The following BCL2 variants were observed in gnomAD, a reference collection of about 807,000 sequenced individuals.
BCL2 encodes BCL2 apoptosis regulator, also known as apoptosis regulator Bcl-2.
BCL2 carries 1 observed loss-of-function variant against 14.2 expected under a neutral mutation model. The ratio of observed to expected loss-of-function variants is 0.07; its 90% CI spans 0.02 to 0.33. The LOEUF (loss-of-function observed/expected upper bound fraction) is 0.33, where lower values mean the gene tolerates loss of function less well. Among genes scored for constraint, BCL2 ranks in the 10% least tolerant of loss-of-function variants. The pLI is 0.99. For synonymous variants in BCL2, 151 were observed against 137.2 expected (o/e 1.10, Z -0.70); for missense variants, 247 against 305.9 (o/e 0.81, Z 1.44).
At chr18:63,292,659 T>C (rs1270359066) in intron 2 of BCL2, among the ~76,000 whole-genome samples, 1 of 152,180 alleles carries the variant, frequency 6.6e-6, no homozygotes, top group Non-Finnish European at 1.5e-5. Flanking sequence ...TCTTCACCAA[T>C]GTCTTGAATG....
chr18:63,262,146 G>A (rs1911679521), intron 2 of BCL2, among the ~76,000 whole-genome samples: 1 of 151,714 alleles, frequency 6.6e-6, no homozygotes, highest in African/African-American at 2.4e-5. Context: ...TGAACTCCTG[G>A]CTTCAAGTGA....
At chr18:63,190,672 GA>G (rs1909266902) in intron 2 of BCL2, among the ~76,000 whole-genome samples, 1 of 152,220 alleles carries the variant, frequency 6.6e-6, no homozygotes, top group Non-Finnish European at 1.5e-5. Context: ...CCCAGTAAGT[GA>G]AAGTCTTATT....
chr18:63,249,096 G>GA (rs1911231661), intron 2 of BCL2, among the ~76,000 whole-genome samples: 1 of 152,204 alleles, frequency 6.6e-6, no homozygotes, highest in African/African-American at 2.4e-5. Flanking sequence ...CTGCAGGAAA[G>GA]AAACCTGGTG....
intron 2 of BCL2, among the ~76,000 whole-genome samples, chr18:63,165,476 T>C (rs1915020942): frequency 6.6e-6 from 1 of 152,182 alleles, no homozygotes; most frequent in Non-Finnish European, 1.5e-5. Flanking sequence ...TCTGTGTTTA[T>C]CCCTCCAACC....
intron 2 of BCL2, among the ~76,000 whole-genome samples, chr18:63,265,258 G>T (rs573014536): frequency 1.3e-5 from 2 of 152,314 alleles, no homozygotes; most frequent in Middle Eastern, 3.4e-3. Flanking sequence ...AAGGGCCCTT[G>T]TTCTTGTGCA....
intron 2 of BCL2, among the ~76,000 whole-genome samples, chr18:63,162,505 G>A (rs184946654): frequency 4.9e-4 from 74 of 152,178 alleles, no homozygotes; most frequent in Non-Finnish European, 1.3e-4. Flanking sequence ...GCCCAGCTCG[G>A]GGACACTACT....
intron 2 of BCL2, among the ~76,000 whole-genome samples, chr18:63,191,420 G>T (rs1428895235): frequency 2.0e-5 from 3 of 152,062 alleles, no homozygotes; most frequent in Non-Finnish European, 4.4e-5. Context: ...ATAATAACTT[G>T]GTCTTCTAAG....
At chr18:63,183,330 A>G (rs1915519235) in intron 2 of BCL2, among the ~76,000 whole-genome samples, 1 of 152,142 alleles carries the variant, frequency 6.6e-6, no homozygotes, top group African/African-American at 2.4e-5. Flanking sequence ...CAGGAGAGGA[A>G]AATGCCCCCC....
At chr18:63,214,597 C>T (rs1910145401) in intron 2 of BCL2, among the ~76,000 whole-genome samples, 1 of 151,852 alleles carries the variant, frequency 6.6e-6, no homozygotes, top group Non-Finnish European at 1.5e-5. Flanking sequence ...AGGGAAATTT[C>T]TAGCTGCCAC....
intron 2 of BCL2, among the ~76,000 whole-genome samples, chr18:63,205,980 A>T (rs954001055): frequency 6.6e-6 from 1 of 152,210 alleles, no homozygotes; most frequent in Admixed American, 6.5e-5. Flanking sequence ...AGAGTCTGAT[A>T]GCTCTCACTG....
intron 2 of BCL2, among the ~76,000 whole-genome samples, chr18:63,235,162 T>C (rs1369997964): frequency 6.6e-6 from 1 of 152,208 alleles, no homozygotes; most frequent in East Asian, 1.9e-4. Context: ...TTTTTAAATA[T>C]GACTCTAACA....
intron 2 of BCL2, among the ~76,000 whole-genome samples, chr18:63,276,666 C>T (rs1912162457): frequency 6.6e-6 from 1 of 152,252 alleles, no homozygotes; most frequent in Admixed American, 6.5e-5. Flanking sequence ...AGAAATATCA[C>T]ATCACTAAAG....
chr18:63,238,369 C>A, intron 2 of BCL2, among the ~76,000 whole-genome samples: 1 of 152,104 alleles, frequency 6.6e-6, no homozygotes. Flanking sequence ...AAGACTCCAG[C>A]GAAAACAGAA....
chr18:63,246,891 T>G (rs560341081), intron 2 of BCL2, among the ~76,000 whole-genome samples: 1 of 152,320 alleles, frequency 6.6e-6, no homozygotes, highest in African/African-American at 2.4e-5. Flanking sequence ...ACAATGGTGA[T>G]TGTCAAACAT....
chr18:63,164,769 G>A (rs954438820), intron 2 of BCL2, among the ~76,000 whole-genome samples: 10 of 152,212 alleles, frequency 6.6e-5, no homozygotes, highest in African/African-American at 2.2e-4. Context: ...TTAAGCCATG[G>A]CAAGAAAGCA....
chr18:63,169,821 C>T (rs547455171), intron 2 of BCL2, among the ~76,000 whole-genome samples: 21 of 152,090 alleles, frequency 1.4e-4, no homozygotes, highest in Admixed American at 1.3e-3. Context: ...CCGTGCCCAG[C>T]GCGTTTTCTT....
chr18:63,136,678 C>G (rs1037903626), intron 2 of BCL2, among the ~76,000 whole-genome samples: 2 of 152,194 alleles, frequency 1.3e-5, no homozygotes, highest in African/African-American at 4.8e-5. Flanking sequence ...ATCTGAGGGC[C>G]GGTGTAGACC....
chr18:63,318,152 T>C lies in BCL2; in HGVS notation c.515A>G (p.Asn172Ser), dbSNP rs1441924243. The C allele has an allele frequency of 1.9e-6, 3 of 1,614,090 alleles. No individual in the cohort carries two copies. The highest frequency in any genetic ancestry group is 2.7e-5 in the African/African-American group (2 of 75,010). ...VNREMSPLVD[N>S]IALWMTEYLN... is the part of the protein sequence containing the mutation. ...GTACTCAGTCATCCACAGGGCGATG[T>C]TGTCCACCAGGGGCGACATCTCCCG... Residue 172 changes from asparagine (N) to serine (S), a missense_variant, in exon 2 of 3, where the codon AAC (asparagine) becomes AGC (serine). Around this residue, in one of 3 missense-constraint regions of BCL2, gnomAD observed 67 missense variants for 145.7 expected, o/e 0.46. Transcript: ENST00000333681. The surrounding 1 kb of genome is among the most constrained non-coding windows in gnomAD (Gnocchi z 7.4).
At chr18:63,205,162 T>C (rs966675098) in intron 2 of BCL2, among the ~76,000 whole-genome samples, 2 of 152,242 alleles carry the variant, frequency 1.3e-5, no homozygotes, top group Non-Finnish European at 2.9e-5. Flanking sequence ...CTTGAAAAAG[T>C]TGAATTTCAA....
Sources: allele counts gnomAD v4.1 joint callset (sites outside exome capture counted in the v4.1 genomes callset), GRCh38; gene constraint gnomAD v4.1.1; regional missense constraint gnomAD v4.1.1; non-coding constraint Gnocchi (gnomAD v3.1); transcripts MANE v1.5; gene names NCBI Gene and HGNC (gene_info 2026-07-23, HGNC 2026-07-21).